DLG1: variants seen among roughly 807,000 people sequenced by gnomAD.
DLG1 encodes the protein disks large homolog 1.
Under a neutral mutation model 123.4 loss-of-function variants are expected in DLG1, and 42 were observed. That is an observed-to-expected ratio of 0.34 (90% CI 0.27 to 0.44). The LOEUF (loss-of-function observed/expected upper bound fraction) is 0.44. Ranked by LOEUF, DLG1 falls within the 20% of genes least tolerant of loss-of-function variation. The pLI is 1.00. For synonymous variants in DLG1, 317 were observed against 356.2 expected (o/e 0.89, Z 1.24); for missense variants, 942 against 1,082.6 (o/e 0.87, Z 1.82).
Position 197,042,678 on chromosome 3 carries a change from T to A in DLG1, c.*1945A>T, listed in dbSNP as rs1433308540. ...TTCAAAATAGCTTATGCTGCGGTCT[T>A]GTAAGGCAGTTTCTGAAGCTCTTGA... is the stretch of plus-strand genomic sequence containing the variant. On this transcript the variant is annotated 3_prime_UTR_variant, in exon 25 of 25. Transcript: ENST00000667157. 2 of 152,234 alleles carry A rather than the reference T, an allele frequency of 1.3e-5. No individual in the cohort carries two copies. The highest frequency in any genetic ancestry group is 2.9e-5 in the Non-Finnish European group (2 of 68,036). 9.4% of individuals were successfully genotyped at this position (152,234 alleles called of 1,614,324 possible). A position where few individuals can be genotyped will look rare whatever the true frequency, so the allele number is the denominator to read the frequency against.
chr3:197,087,332 CTTT>C (rs776665116), intron 15 of DLG1, among the ~76,000 whole-genome samples: 1 of 139,530 alleles, frequency 7.2e-6, no homozygotes. Context: ...TTTTTGCAGC[CTTT>C]TTTTTTTTTG....
intron 18 of DLG1, among the ~76,000 whole-genome samples, chr3:197,071,323 ATT>A (rs1192551980): frequency 1.3e-5 from 2 of 151,874 alleles, no homozygotes; most frequent in Non-Finnish European, 2.9e-5. Context: ...TGCAGGGTTT[ATT>A]TTTACTACTT....
chr3:197,201,750 C>G (rs1386868211), intron 4 of DLG1, among the ~76,000 whole-genome samples: 23 of 151,816 alleles, frequency 1.5e-4, no homozygotes, highest in Non-Finnish European at 3.1e-4. Flanking sequence ...TTGCCCAAAG[C>G]AATCTGGAAG....
At chr3:197,116,379 CAT>C (rs1314384491) in intron 12 of DLG1, among the ~76,000 whole-genome samples, 5 of 152,106 alleles carry the variant, frequency 3.3e-5, no homozygotes, top group Non-Finnish European at 5.9e-5. Context: ...AGGAAATACA[CAT>C]ACTCATGAAA....
intron 6 of DLG1, among the ~76,000 whole-genome samples, chr3:197,146,458 C>G (rs1391257363): frequency 1.3e-5 from 2 of 151,922 alleles, no homozygotes; most frequent in East Asian, 3.8e-4. Flanking sequence ...AATGGACACA[C>G]AGAATGAAGC....
At chr3:197,091,912 T>C (rs919979071) in intron 14 of DLG1, among the ~76,000 whole-genome samples, 2 of 152,178 alleles carry the variant, frequency 1.3e-5, no homozygotes, top group Non-Finnish European at 2.9e-5. Flanking sequence ...ATGATTATTG[T>C]TGAGTTACTC....
At chr3:197,150,652 T>A (rs1793412131) in intron 5 of DLG1, among the ~76,000 whole-genome samples, 1 of 152,118 alleles carries the variant, frequency 6.6e-6, no homozygotes, top group African/African-American at 2.4e-5. Flanking sequence ...TTACACACAT[T>A]AATGGTTCTA....
chr3:197,248,575 C>T (rs1273033013), intron 4 of DLG1, among the ~76,000 whole-genome samples: 1 of 152,226 alleles, frequency 6.6e-6, no homozygotes, highest in Non-Finnish European at 1.5e-5. Flanking sequence ...GTTACAATCA[C>T]AAGAGCACAC....
intron 14 of DLG1, among the ~76,000 whole-genome samples, chr3:197,095,005 A>T (rs775386397): frequency 6.6e-6 from 1 of 152,084 alleles, no homozygotes; most frequent in Non-Finnish European, 1.5e-5. Context: ...TTGTCTATGC[A>T]TTTTCTAGCA....
intron 24 of DLG1, among the ~76,000 whole-genome samples, chr3:197,048,196 T>C (rs1282751595): frequency 6.6e-6 from 1 of 152,146 alleles, no homozygotes; most frequent in Non-Finnish European, 1.5e-5. Context: ...TGAGGCTGGG[T>C]GCAGTGGCTC....
At position 197,085,560 on chromosome 3, in the gene DLG1, G is replaced by A. The variant is rs1191987769; in HGVS notation, c.1838+20C>T. The A allele has an allele frequency of 1.2e-6, 2 of 1,612,026 alleles. No homozygotes were observed. The highest frequency in any genetic ancestry group is 2.7e-5 in the African/African-American group (2 of 74,828). ...ATTATTTATGTTGCCTCACATTCAA[G>A]TGGTAAGAAACAGGCATACCTGCGT... On this transcript the variant is annotated intron_variant, in intron 16 of 24. Coordinates refer to ENST00000667157, the MANE Select transcript of DLG1 (RefSeq NM_001366207.1).
intron 4 of DLG1, among the ~76,000 whole-genome samples, chr3:197,271,428 T>C (rs2151045444): frequency 6.6e-6 from 1 of 152,328 alleles, no homozygotes; most frequent in East Asian, 1.9e-4. Flanking sequence ...CTTCCTATAC[T>C]ATCTTCACAC....
At chr3:197,181,624 T>TA (rs901633365) in intron 5 of DLG1, among the ~76,000 whole-genome samples, 2 of 152,016 alleles carry the variant, frequency 1.3e-5, no homozygotes, top group African/African-American at 2.4e-5. Context: ...CAGTAAGTTA[T>TA]AAAAAAATTA....
chr3:197,296,961 G>GA, intron 2 of DLG1: 1 of 554,812 alleles, frequency 1.8e-6, no homozygotes, highest in East Asian at 3.1e-5. Context: ...GTTGGGGGGG[G>GA]GCTAACTGCC....
At chr3:197,142,308 TAG>T (rs1311521697) in intron 7 of DLG1, among the ~76,000 whole-genome samples, 1 of 152,194 alleles carries the variant, frequency 6.6e-6, no homozygotes, top group Non-Finnish European at 1.5e-5. Flanking sequence ...AAACGTAATG[TAG>T]TTTCCTGGAT....
chr3:197,272,922 T>C (rs2151059732), intron 4 of DLG1, among the ~76,000 whole-genome samples: 1 of 152,310 alleles, frequency 6.6e-6, no homozygotes, highest in Admixed American at 6.5e-5. Flanking sequence ...GGACATGCTA[T>C]AAAATTCACC....
At chr3:197,158,685 T>C (rs998638929) in intron 5 of DLG1, among the ~76,000 whole-genome samples, 1 of 53,120 alleles carries the variant, frequency 1.9e-5, no homozygotes, top group African/African-American at 6.5e-5. Flanking sequence ...TGCTCTGCTC[T>C]GGACATACCT....
chr3:197,296,960 G>GC (rs1560208656), intron 2 of DLG1: 2 of 553,036 alleles, frequency 3.6e-6, no homozygotes, highest in South Asian at 2.2e-5. Flanking sequence ...TGTTGGGGGG[G>GC]GGCTAACTGC....
intron 14 of DLG1, among the ~76,000 whole-genome samples, chr3:197,096,086 A>C (rs963345732): frequency 2.6e-5 from 4 of 152,214 alleles, no homozygotes; most frequent in Admixed American, 6.5e-5. Context: ...TTGGGGTGGC[A>C]CTAGGCTCAG....
Sources: gnomAD v4.1 joint callset for allele counts (sites outside exome capture counted in the v4.1 genomes callset) on GRCh38, gnomAD v4.1.1 for gene constraint, MANE v1.5 for transcripts, NCBI Gene and HGNC (gene_info 2026-07-23, HGNC 2026-07-21) for gene names.